Variants in SIRT4 observed in about 807,000 individuals in gnomAD.
The protein encoded by SIRT4 is NAD-dependent protein lipoamidase sirtuin-4, mitochondrial.
In SIRT4, 23 loss-of-function variants were observed where a neutral mutation model predicts 26.1. That is an observed-to-expected ratio of 0.88 (90% CI 0.63 to 1.25). The LOEUF (loss-of-function observed/expected upper bound fraction) is 1.25. Ranked by LOEUF, SIRT4 falls within the 50% of genes most tolerant of loss-of-function variation. The pLI is 0.00. For synonymous variants in SIRT4, 155 were observed against 158.4 expected (o/e 0.98, Z 0.16); for missense variants, 361 against 405.4 (o/e 0.89, Z 0.94).
intron 2 of SIRT4, 47 bp downstream of exon 2, chr12:120,304,105 G>T: frequency 1.3e-6 from 2 of 1,580,698 alleles, no homozygotes; most frequent in South Asian, 2.3e-5. Context: ...GTGTTGTTTT[G>T]GGAGAGTAGG....
In SIRT4 at chr12:120,308,024, A is replaced by T. The variant is rs560227458; in HGVS notation, c.497+3966A>T. 2.9e-4 allele frequency among the ~76,000 whole-genome samples: 44 copies of T among 150,182 alleles called. 1 individual carries two copies. Among genetic ancestry groups the T allele is most frequent in the South Asian group, 2.3e-3 (11 of 4,750 alleles). ...GTTGAGAAAGCTTTTTAAAAAAAAA[A>T]TTTTTTTTTTTAAATAGAGACAGGA... is the stretch of plus-strand genomic sequence containing the variant. On this transcript the variant is annotated intron_variant, in intron 2 of 3. Coordinates refer to ENST00000202967, the MANE Select transcript of SIRT4 (RefSeq NM_012240.3).
intron 2 of SIRT4, among the ~76,000 whole-genome samples, chr12:120,311,048 TA>T (rs761606021): frequency 0.33 from 22,928 of 68,978 alleles, 3,076 homozygotes; most frequent in South Asian, 0.42. Context: ...CCCTGTCTCT[TA>T]AAAAAAAAAA....
the SIRT4 span, chr12:120,292,965 GA>G: frequency 2.0e-5 from 3 of 152,082 alleles, no homozygotes; most frequent in Admixed American, 6.6e-5. Context: ...GTGCTCTCGC[GA>G]ATCAGCTGGT....
At chr12:120,305,808 C>T (rs1052511232) in intron 2 of SIRT4, among the ~76,000 whole-genome samples, 1 of 151,596 alleles carries the variant, frequency 6.6e-6, no homozygotes, top group Non-Finnish European at 1.5e-5. Context: ...GTCAGTTGAT[C>T]GAGACCATCC....
intron 1 of SIRT4, among the ~76,000 whole-genome samples, chr12:120,303,272 G>C (rs985672817): frequency 3.3e-5 from 5 of 151,702 alleles, no homozygotes; most frequent in Non-Finnish European, 5.9e-5. Flanking sequence ...TAGAGCTCAG[G>C]AGTTCGAGAC....
At chr12:120,291,818 G>GA in the SIRT4 span, 1 of 152,096 alleles carries the variant, frequency 6.6e-6, no homozygotes, top group Admixed American at 6.6e-5. Context: ...AGTCGTCATG[G>GA]CGGGGTATTG....
chr12:120,297,382 G>A (rs1338494591), upstream of SIRT4, among the ~76,000 whole-genome samples: 2 of 146,404 alleles, frequency 1.4e-5, no homozygotes. Context: ...CTAATCCCAT[G>A]AGGGTATCAA....
chr12:120,297,055 T>G, the SIRT4 span, among the ~76,000 whole-genome samples: 2 of 151,150 alleles, frequency 1.3e-5, no homozygotes, highest in African/African-American at 4.9e-5. Flanking sequence ...AAACCTCGTC[T>G]CTACTAAAAA....
the SIRT4 span, among the ~76,000 whole-genome samples, chr12:120,293,793 C>T: frequency 2.6e-5 from 4 of 152,080 alleles, no homozygotes; most frequent in Non-Finnish European, 5.9e-5. Flanking sequence ...GTTCCCTTCT[C>T]CTCCAGCCCC....
At chr12:120,310,455 G>A (rs1469464927) in intron 2 of SIRT4, among the ~76,000 whole-genome samples, 2 of 152,050 alleles carry the variant, frequency 1.3e-5, no homozygotes, top group East Asian at 1.9e-4. Context: ...GAGCTCAAGC[G>A]ATTCTCTTGC....
Position 120,306,888 on chromosome 12 carries a change from G to A in SIRT4, c.497+2830G>A, listed in dbSNP as rs537481495. Among the ~76,000 whole-genome samples, 41 of 152,296 alleles carry A rather than the reference G, an allele frequency of 2.7e-4. No homozygotes were observed. The South Asian group carries it at 6.2e-3, about 23-fold the overall frequency. The stretch of plus-strand genomic sequence containing the variant: ...AATATGAGCTGAACACCAATAGCAT[G>A]TGCTATAAACTGCTGGGTTTCCAAT... On this transcript the variant is annotated intron_variant, in intron 2 of 3. Transcript: ENST00000202967.
chr12:120,293,240 T>A, the SIRT4 span: 1 of 152,164 alleles, frequency 6.6e-6, no homozygotes, highest in Non-Finnish European at 1.5e-5. Flanking sequence ...GCAAAGCTAA[T>A]TTGTTACGCC....
At chr12:120,294,591 G>C in the SIRT4 span, among the ~76,000 whole-genome samples, 2 of 152,076 alleles carry the variant, frequency 1.3e-5, no homozygotes, top group East Asian at 1.9e-4. Flanking sequence ...TTTTGGCTCT[G>C]TCGCCCAGGC....
At chr12:120,300,711 G>A (rs1318735644), upstream of SIRT4, among the ~76,000 whole-genome samples, 1 of 152,186 alleles carries the variant, frequency 6.6e-6, no homozygotes, top group Non-Finnish European at 1.5e-5. Context: ...GCCTCCCAAA[G>A]TGTTGGTATT....
chr12:120,309,952 A>G (rs1197610251), intron 2 of SIRT4, among the ~76,000 whole-genome samples: 2 of 150,536 alleles, frequency 1.3e-5, no homozygotes, highest in African/African-American at 4.9e-5. Flanking sequence ...CCTGACCTCA[A>G]CTGATCCACC....
chr12:120,293,198 A>G, the SIRT4 span: 9 of 152,190 alleles, frequency 5.9e-5, no homozygotes, highest in Non-Finnish European at 8.8e-5. Context: ...CGCGCCTCGG[A>G]TAGACCTCAT....
At chr12:120,293,294 G>A in the SIRT4 span, 1 of 152,166 alleles carries the variant, frequency 6.6e-6, no homozygotes, top group African/African-American at 2.4e-5. Flanking sequence ...ATTTCGCAAA[G>A]GTGAGTTTAG....
At chr12:120,301,532 G>A (rs1872549538), upstream of SIRT4, among the ~76,000 whole-genome samples, 1 of 152,204 alleles carries the variant, frequency 6.6e-6, no homozygotes, top group Non-Finnish European at 1.5e-5. Context: ...GGGAACAGTG[G>A]CTCAGGCCTG....
chr12:120,299,516 C>T (rs1452172312), upstream of SIRT4, among the ~76,000 whole-genome samples: 1 of 149,088 alleles, frequency 6.7e-6, no homozygotes, highest in African/African-American at 2.5e-5. Context: ...CGCGCCACTG[C>T]ACTCCAGCCT....
Sources: allele counts gnomAD v4.1 joint callset (sites outside exome capture counted in the v4.1 genomes callset), GRCh38; gene constraint gnomAD v4.1.1; transcripts MANE v1.5; gene names NCBI Gene and HGNC (gene_info 2026-07-23, HGNC 2026-07-21).